The following GRIK3 variants were observed in gnomAD, a reference collection of about 807,000 sequenced individuals.
GRIK3 encodes glutamate ionotropic receptor kainate type subunit 3, also known as glutamate receptor ionotropic, kainate 3.
Under a neutral mutation model 102.5 loss-of-function variants are expected in GRIK3, and 29 were observed. The ratio of observed to expected loss-of-function variants is 0.28; its 90% CI spans 0.21 to 0.39. The LOEUF is 0.39. Among genes scored for constraint, GRIK3 ranks in the 10% least tolerant of loss-of-function variants. The pLI, the probability that GRIK3 is intolerant of heterozygous loss-of-function variation, is 1.00. For missense variants in GRIK3, 908 were observed against 1,252.4 expected (o/e 0.73, Z 4.15); for synonymous variants, 511 against 504.9 (o/e 1.01, Z -0.16).
In GRIK3 at chr1:37,002,122, T is replaced by C. The variant is rs532461255; in HGVS notation, c.115+31872A>G. On this transcript the variant is annotated intron_variant, in intron 1 of 15. Coordinates refer to ENST00000373091, the MANE Select transcript of GRIK3 (RefSeq NM_000831.4). ...AATCCCCTGCAGAAGAGAAAGAAAG[T>C]ACTAGCTTCTGCCAATGTTGATTTG... is the stretch of plus-strand genomic sequence containing the variant. Among the ~76,000 whole-genome samples the C allele has an allele frequency of 5.3e-5, 8 of 152,336 alleles. No homozygotes were observed. The South Asian group carries it at 1.7e-3, about 32-fold the overall frequency.
chr1:36,881,322 C>T (rs566165342), intron 2 of GRIK3, among the ~76,000 whole-genome samples: 4 of 152,234 alleles, frequency 2.6e-5, no homozygotes, highest in East Asian at 1.9e-4. Context: ...TTCCCTACCC[C>T]GGACCTGTGC....
intron 1 of GRIK3, among the ~76,000 whole-genome samples, chr1:36,963,590 C>T (rs1309001522): frequency 6.6e-6 from 1 of 152,162 alleles, no homozygotes; most frequent in Non-Finnish European, 1.5e-5. Context: ...CAAGATCTCA[C>T]CCAAAGTTGC....
intron 10 of GRIK3, among the ~76,000 whole-genome samples, chr1:36,840,549 ACC>A (rs1640433494): frequency 2.5e-5 from 2 of 79,654 alleles, no homozygotes; most frequent in African/African-American, 8.1e-5. Context: ...CCTGCTCTCC[ACC>A]AAAAAAAAAA....
At chr1:37,005,953 CA>C (rs1455513496) in intron 1 of GRIK3, among the ~76,000 whole-genome samples, 1 of 152,060 alleles carries the variant, frequency 6.6e-6, no homozygotes, top group Non-Finnish European at 1.5e-5. Flanking sequence ...GAGGGTTTCT[CA>C]GGGAGGGTGA....
Position 36,850,076 on chromosome 1 carries a change from G to A in GRIK3, c.1326+235C>T. ...GCATGGTTCCTACTCAGACATCAAG[G>A]ACTTGGGGAGTGAGTGGGAGTGAGA... is the stretch of plus-strand genomic sequence containing the variant. On this transcript the variant is annotated intron_variant, in intron 9 of 15. Transcript: ENST00000373091. The surrounding 1 kb of genome is among the most constrained non-coding windows in gnomAD (Gnocchi z 4.0). 2 of 518,414 alleles carry A rather than the reference G, an allele frequency of 3.9e-6. No homozygotes were observed. Among genetic ancestry groups the A allele is most frequent in the Non-Finnish European group, 6.9e-6 (2 of 288,754 alleles). 32.1% of individuals were successfully genotyped at this position (518,414 alleles called of 1,614,324 possible). A position where few individuals can be genotyped will look rare whatever the true frequency, so the allele number is the denominator to read the frequency against.
chr1:37,025,527 G>A (rs1223053950), intron 1 of GRIK3, among the ~76,000 whole-genome samples: 1 of 152,226 alleles, frequency 6.6e-6, no homozygotes, highest in Non-Finnish European at 1.5e-5. Flanking sequence ...CCATAGACAG[G>A]AAATGTGATG....
chr1:36,964,306 A>T (rs1419808197), intron 1 of GRIK3, among the ~76,000 whole-genome samples: 1 of 152,194 alleles, frequency 6.6e-6, no homozygotes, highest in Non-Finnish European at 1.5e-5. Flanking sequence ...CTCCCTGTAG[A>T]GGGGGCCCCT....
intron 1 of GRIK3, among the ~76,000 whole-genome samples, chr1:37,000,656 G>A (rs1642467883): frequency 6.6e-6 from 1 of 152,194 alleles, no homozygotes; most frequent in Non-Finnish European, 1.5e-5. Context: ...CTGAGGTCCA[G>A]GGAGTTGCAG....
chr1:36,890,338 C>T (rs1641099731), intron 2 of GRIK3, among the ~76,000 whole-genome samples: 2 of 152,060 alleles, frequency 1.3e-5, no homozygotes, highest in African/African-American at 2.4e-5. Context: ...GTGGCATGCA[C>T]CTGTAGTCCC....
At chr1:36,835,931 G>T (rs974419415) in intron 10 of GRIK3, among the ~76,000 whole-genome samples, 5 of 151,962 alleles carry the variant, frequency 3.3e-5, no homozygotes, top group African/African-American at 9.7e-5. Context: ...TGCTTCCCTG[G>T]TCTCCCCAGA....
chr1:36,870,574 C>T (rs1319198607), intron 4 of GRIK3, among the ~76,000 whole-genome samples: 1 of 152,226 alleles, frequency 6.6e-6, no homozygotes, highest in African/African-American at 2.4e-5. Context: ...AGAGTCACAG[C>T]CCACCTCAGC....
intron 1 of GRIK3, among the ~76,000 whole-genome samples, chr1:36,971,042 CT>C (rs1642134725): frequency 6.6e-6 from 1 of 152,200 alleles, no homozygotes; most frequent in Admixed American, 6.5e-5. Context: ...CTCTCTCTGG[CT>C]TTACTGCTGT....
At chr1:36,979,420 C>T (rs570802440) in intron 1 of GRIK3, among the ~76,000 whole-genome samples, 7 of 152,292 alleles carry the variant, frequency 4.6e-5, no homozygotes, top group East Asian at 1.9e-4. Context: ...CTAGAAGGCT[C>T]GGGGCTTGAA....
intron 6 of GRIK3, 85 bp downstream of exon 6, chr1:36,859,759 G>A (rs927716499): frequency 1.7e-5 from 19 of 1,104,722 alleles, no homozygotes; most frequent in Admixed American, 3.5e-5. Context: ...GTGGTGGAGG[G>A]AAGAAAGAAA....
chr1:36,957,057 G>C (rs1423199841), intron 1 of GRIK3, among the ~76,000 whole-genome samples: 2 of 152,252 alleles, frequency 1.3e-5, no homozygotes, highest in African/African-American at 4.8e-5. Context: ...GGCTTCGGCA[G>C]ATGCCACACA....
chr1:36,821,688 TG>T (rs1557692673), intron 11 of GRIK3, among the ~76,000 whole-genome samples: 6 of 152,210 alleles, frequency 3.9e-5, no homozygotes, highest in African/African-American at 1.4e-4. Context: ...TAGAAGGCAA[TG>T]GGATTCCAAC....
chr1:36,802,800 T>C (rs948653388), intron 15 of GRIK3, among the ~76,000 whole-genome samples: 7 of 152,178 alleles, frequency 4.6e-5, no homozygotes, highest in African/African-American at 1.7e-4. Flanking sequence ...CAGGACTACT[T>C]GTGTGCAGGG....
At chr1:36,940,912 G>C (rs1012027620) in intron 1 of GRIK3, among the ~76,000 whole-genome samples, 9 of 152,180 alleles carry the variant, frequency 5.9e-5, no homozygotes, top group African/African-American at 2.2e-4. Flanking sequence ...TCTCAGGGAG[G>C]AGCCTGTGGT....
rs1178534128 is a variant in GRIK3 at position 36,798,482 on chromosome 1, TAC to T, written c.*3367_*3368del. ...CACACTACACATGCATACACACACATACACACACACGCATGCACCTGCCCCAG... is the reference window on the plus strand; with the variant it reads ...CACACTACACATGCATACACACACATACACACACGCATGCACCTGCCCCAG... On this transcript the variant is annotated 3_prime_UTR_variant, in exon 16 of 16. Transcript: ENST00000373091. 1.3e-5 allele frequency: 2 copies of T among 152,222 alleles called. No individual in the cohort carries two copies. The highest frequency in any genetic ancestry group is 6.5e-5 in the Admixed American group (1 of 15,280). 9.4% of individuals were successfully genotyped at this position (152,222 alleles called of 1,614,324 possible).
Sources: gnomAD v4.1 joint callset for allele counts (sites outside exome capture counted in the v4.1 genomes callset) on GRCh38, gnomAD v4.1.1 for gene constraint, Gnocchi (gnomAD v3.1) non-coding constraint, MANE v1.5 for transcripts, NCBI Gene and HGNC (gene_info 2026-07-23, HGNC 2026-07-21) for gene names.